Variants in GRXCR1 observed in about 807,000 individuals in gnomAD.
The protein encoded by GRXCR1 is glutaredoxin and cysteine rich domain containing 1.
A neutral mutation model predicts 27.3 loss-of-function variants in GRXCR1; 27 were observed. The observed-to-expected ratio is 0.99, with a 90% CI of 0.73 to 1.37. The LOEUF (loss-of-function observed/expected upper bound fraction) is 1.37. GRXCR1 is among the 40% of genes most tolerant of loss of function. The pLI is 0.00. For synonymous variants in GRXCR1, 122 were observed against 131.1 expected (o/e 0.93, Z 0.47); for missense variants, 379 against 354.4 (o/e 1.07, Z -0.56).
At chr4:43,015,166 A>G (rs989264085) in intron 2 of GRXCR1, among the ~76,000 whole-genome samples, 2 of 152,166 alleles carry the variant, frequency 1.3e-5, no homozygotes, top group Admixed American at 6.6e-5. Context: ...AATTCAGGGT[A>G]TGAGAAGCTT....
At chr4:42,992,883 T>C (rs1712019948) in intron 2 of GRXCR1, among the ~76,000 whole-genome samples, 1 of 152,192 alleles carries the variant, frequency 6.6e-6, no homozygotes. Flanking sequence ...AGTTTACTTA[T>C]ACTTTTCATT....
At chr4:42,993,143 A>G (rs1712028495) in intron 2 of GRXCR1, among the ~76,000 whole-genome samples, 1 of 152,056 alleles carries the variant, frequency 6.6e-6, no homozygotes, top group Non-Finnish European at 1.5e-5. Context: ...CCATCCAAGT[A>G]AACTGTATTT....
At position 42,955,231 on chromosome 4, in the gene GRXCR1, A is replaced by T. The variant is rs1422454671; in HGVS notation, c.385-7661A>T. ...CTCTTTGCCTTTATGTATAGGAAAAAATATCTCTCCCTCACCCATCTCAAA... is the reference window on the plus strand; with the variant it reads ...CTCTTTGCCTTTATGTATAGGAAAATATATCTCTCCCTCACCCATCTCAAA... On this transcript the variant is annotated intron_variant, in intron 1 of 3. Coordinates refer to ENST00000399770, the MANE Select transcript of GRXCR1 (RefSeq NM_001080476.3). 2.0e-5 allele frequency among the ~76,000 whole-genome samples: 3 copies of T among 152,100 alleles called. No individual in the cohort carries two copies. In the East Asian group the frequency reaches 5.8e-4, roughly 29 times the overall value.
chr4:42,956,393 C>A (rs1367579474), intron 1 of GRXCR1, among the ~76,000 whole-genome samples: 1 of 151,772 alleles, frequency 6.6e-6, no homozygotes, highest in Non-Finnish European at 1.5e-5. Flanking sequence ...AGACTTCTGG[C>A]CAGATGCTTT....
intron 1 of GRXCR1, among the ~76,000 whole-genome samples, chr4:42,923,271 A>G (rs900216588): frequency 1.3e-5 from 2 of 152,108 alleles, no homozygotes; most frequent in Non-Finnish European, 2.9e-5. Flanking sequence ...TAGCAGTAGG[A>G]TATGTGATAA....
chr4:42,938,397 T>G (rs1747508952), intron 1 of GRXCR1, among the ~76,000 whole-genome samples: 2 of 151,972 alleles, frequency 1.3e-5, no homozygotes, highest in Admixed American at 6.6e-5. Context: ...AACATGGGAG[T>G]GCAAATACCT....
At chr4:42,981,954 C>T (rs569480348) in intron 2 of GRXCR1, among the ~76,000 whole-genome samples, 1 of 152,032 alleles carries the variant, frequency 6.6e-6, no homozygotes, top group Non-Finnish European at 1.5e-5. Context: ...GATATTTGAC[C>T]TCCCTGTGTC....
intron 3 of GRXCR1, among the ~76,000 whole-genome samples, chr4:43,028,450 A>G (rs1366704009): frequency 6.6e-6 from 1 of 152,246 alleles, no homozygotes; most frequent in Non-Finnish European, 1.5e-5. Context: ...AGTAATGAGT[A>G]AAGGGCTGGA....
chr4:42,962,990 G>C lies in GRXCR1; in HGVS notation c.483G>C (p.Lys161Asn), dbSNP rs762115457. ...TTFERCELVR[K>N]IFQNHRVKFE... ...TTGAAAGATGTGAACTGGTTAGAAA[G>C]ATTTTCCAAAACCATCGCGTAAAAT... The change falls in exon 2 of 4, where the codon AAG becomes AAC. Residue 161 changes from lysine (K) to asparagine (N), a missense_variant. Lys to Asn is a moderately conservative substitution (Grantham distance 94). Transcript: ENST00000399770. The C allele has an allele frequency of 3.7e-6, 6 of 1,612,896 alleles. No homozygotes were observed. The highest frequency in any genetic ancestry group is 5.1e-6 in the Non-Finnish European group (6 of 1,179,176).
At chr4:42,988,848 A>T (rs1242397507) in intron 2 of GRXCR1, among the ~76,000 whole-genome samples, 1 of 152,238 alleles carries the variant, frequency 6.6e-6, no homozygotes, top group Non-Finnish European at 1.5e-5. Context: ...GTCATATATT[A>T]TCAGAGGATA....
chr4:42,921,609 T>A (rs1360662928), intron 1 of GRXCR1, among the ~76,000 whole-genome samples: 1 of 152,062 alleles, frequency 6.6e-6, no homozygotes, highest in African/African-American at 2.4e-5. Context: ...AAACAGCTTA[T>A]TTAGTGTGAA....
chr4:42,898,404 T>G (rs1258185998), intron 1 of GRXCR1, among the ~76,000 whole-genome samples: 1 of 152,008 alleles, frequency 6.6e-6, no homozygotes, highest in Non-Finnish European at 1.5e-5. Context: ...GGATGACTTG[T>G]TTACCTCAAG....
chr4:42,949,768 G>A (rs1747837651), intron 1 of GRXCR1, among the ~76,000 whole-genome samples: 1 of 152,166 alleles, frequency 6.6e-6, no homozygotes, highest in Admixed American at 6.5e-5. Flanking sequence ...TACAGTCAGA[G>A]AGACATAAGA....
chr4:42,996,950 C>A (rs536546370), intron 2 of GRXCR1, among the ~76,000 whole-genome samples: 29 of 152,122 alleles, frequency 1.9e-4, no homozygotes, highest in Admixed American at 1.5e-3. Context: ...TGGCCACCAA[C>A]TACTCTATGT....
intron 1 of GRXCR1, among the ~76,000 whole-genome samples, chr4:42,934,707 G>T (rs1285154003): frequency 6.6e-6 from 1 of 151,834 alleles, no homozygotes. Context: ...TATTAAACCT[G>T]CTCTGTGAAT....
At chr4:42,923,395 C>T (rs965307101) in intron 1 of GRXCR1, among the ~76,000 whole-genome samples, 3 of 152,080 alleles carry the variant, frequency 2.0e-5, no homozygotes, top group African/African-American at 7.2e-5. Context: ...CCATTCGAGG[C>T]CCAATAAGCA....
chr4:42,933,669 A>G (rs1747385676), intron 1 of GRXCR1, among the ~76,000 whole-genome samples: 1 of 151,934 alleles, frequency 6.6e-6, no homozygotes, highest in South Asian at 2.1e-4. Flanking sequence ...GTGCCTTTAT[A>G]AAAGAGACCC....
At position 43,019,089 on chromosome 4, in the gene GRXCR1, T is replaced by C. The variant is rs7667081; in HGVS notation, c.628-1265T>C. On this transcript the variant is annotated intron_variant, in intron 2 of 3. Transcript: ENST00000399770. ...AGTAAATACTCCTATACTATAGGAC[T>C]GTTTAACCTATTTTAGAAACCTCAT... Among the ~76,000 whole-genome samples the C allele has an allele frequency of 4.4e-3, 676 of 152,308 alleles. 9 individuals carry two copies. Among genetic ancestry groups the C allele is most frequent in the African/African-American group, 0.014 (567 of 41,564 alleles).
intron 2 of GRXCR1, among the ~76,000 whole-genome samples, chr4:43,017,925 G>A (rs1712977081): frequency 6.6e-6 from 1 of 152,190 alleles, no homozygotes; most frequent in Admixed American, 6.5e-5. Flanking sequence ...CAAATGCAGG[G>A]AAAGCAGGGC....
Sources: allele counts gnomAD v4.1 joint callset (sites outside exome capture counted in the v4.1 genomes callset), GRCh38; gene constraint gnomAD v4.1.1; transcripts MANE v1.5; gene names NCBI Gene and HGNC (gene_info 2026-07-23, HGNC 2026-07-21).